Variants in RAB22A observed in about 807,000 individuals in gnomAD.
RAB22A encodes RAB22A, member RAS oncogene family, also known as ras-related protein Rab-22A.
A neutral mutation model predicts 30.2 loss-of-function variants in RAB22A; 13 were observed. The ratio of observed to expected loss-of-function variants is 0.43; its 90% CI spans 0.28 to 0.68. The LOEUF (loss-of-function observed/expected upper bound fraction) is 0.68, where lower values mean the gene tolerates loss of function less well. Ranked by LOEUF, RAB22A falls within the 30% of genes least tolerant of loss-of-function variation. The probability of loss-of-function intolerance (pLI) is 0.18; values close to 1 mark genes in which losing one functional copy is unlikely to be tolerated. For synonymous variants in RAB22A, 89 were observed against 87.2 expected (o/e 1.02, Z -0.11); for missense variants, 177 against 246.8 (o/e 0.72, Z 1.89).
At chr20:58,350,315 A>G (rs554190293) in intron 3 of RAB22A, among the ~76,000 whole-genome samples, 22 of 152,224 alleles carry the variant, frequency 1.4e-4, no homozygotes, top group Non-Finnish European at 2.5e-4. Context: ...ACAAATTCAA[A>G]CAGTCTAACG....
chr20:58,346,450 C>T (rs986948597), intron 3 of RAB22A, among the ~76,000 whole-genome samples: 5 of 152,326 alleles, frequency 3.3e-5, no homozygotes, highest in East Asian at 1.9e-4. Context: ...CCTCTGGATA[C>T]GCTGTTCCTT....
chr20:58,336,807 T>C (rs1466164627), intron 2 of RAB22A, among the ~76,000 whole-genome samples: 2 of 152,152 alleles, frequency 1.3e-5, no homozygotes, highest in East Asian at 3.9e-4. Context: ...GAACAGGGCC[T>C]CACACCAAGG....
At chr20:58,340,298 G>A (rs575622438) in intron 2 of RAB22A, among the ~76,000 whole-genome samples, 46 of 152,210 alleles carry the variant, frequency 3.0e-4, no homozygotes, top group Non-Finnish European at 4.1e-4. Flanking sequence ...TGGGCTAGAA[G>A]GAGTTGGAGC....
At chr20:58,322,608 T>C (rs780712619) in intron 2 of RAB22A, among the ~76,000 whole-genome samples, 3 of 152,256 alleles carry the variant, frequency 2.0e-5, no homozygotes, top group Non-Finnish European at 4.4e-5. Context: ...TTTGTTTTTA[T>C]TATTTTAATG....
chr20:58,310,084 C>T (rs1037845077), intron 1 of RAB22A, 72 bp downstream of exon 1: 3 of 1,146,130 alleles, frequency 2.6e-6, no homozygotes, highest in Non-Finnish European at 1.1e-6. Flanking sequence ...TCCCCCCTGT[C>T]CCCTCATCCC....
chr20:58,337,462 G>C (rs1157613226), intron 2 of RAB22A, among the ~76,000 whole-genome samples: 3 of 152,148 alleles, frequency 2.0e-5, no homozygotes, highest in African/African-American at 7.2e-5. Flanking sequence ...AAGGGAATCT[G>C]TTCACAGGTT....
At chr20:58,347,978 G>A (rs1393193444) in intron 3 of RAB22A, among the ~76,000 whole-genome samples, 6 of 152,258 alleles carry the variant, frequency 3.9e-5, no homozygotes, top group Non-Finnish European at 8.8e-5. Flanking sequence ...TGTAATCCCA[G>A]CACTTTGGGA....
intron 2 of RAB22A, among the ~76,000 whole-genome samples, chr20:58,338,074 T>A (rs1986790874): frequency 1.3e-5 from 2 of 152,290 alleles, no homozygotes; most frequent in Non-Finnish European, 2.9e-5. Flanking sequence ...TCGCCCAGAC[T>A]GGAGTGCTAT....
intron 3 of RAB22A, among the ~76,000 whole-genome samples, chr20:58,350,112 A>AT (rs142555730): frequency 6.6e-6 from 1 of 152,156 alleles, no homozygotes; most frequent in Non-Finnish European, 1.5e-5. Flanking sequence ...GAAAAAAAAA[A>AT]GGAGTGTTAA....
At chr20:58,332,549 A>T (rs1311031748) in intron 2 of RAB22A, among the ~76,000 whole-genome samples, 4 of 152,212 alleles carry the variant, frequency 2.6e-5, no homozygotes, top group Admixed American at 2.0e-4. Context: ...ATAAAGTCAG[A>T]TAAGTAGAAA....
At chr20:58,336,655 C>G (rs912276826) in intron 2 of RAB22A, among the ~76,000 whole-genome samples, 2 of 152,120 alleles carry the variant, frequency 1.3e-5, no homozygotes, top group Non-Finnish European at 2.9e-5. Context: ...TCAAACGAAG[C>G]AACATAATGC....
chr20:58,334,680 A>G (rs1296764590), intron 2 of RAB22A, among the ~76,000 whole-genome samples: 2 of 151,738 alleles, frequency 1.3e-5, no homozygotes, highest in African/African-American at 4.8e-5. Flanking sequence ...ATATATCACA[A>G]TGTCTGTGAA....
intron 2 of RAB22A, among the ~76,000 whole-genome samples, chr20:58,318,880 T>C (rs1446588673): frequency 1.3e-5 from 2 of 152,230 alleles, no homozygotes; most frequent in East Asian, 3.8e-4. Context: ...TTAACTTTTT[T>C]GTGCCTACAT....
chr20:58,329,945 TG>T (rs568013331), intron 2 of RAB22A, among the ~76,000 whole-genome samples: 1 of 152,138 alleles, frequency 6.6e-6, no homozygotes, highest in Non-Finnish European at 1.5e-5. Context: ...TGAAAGTATC[TG>T]GGGGGGAAGA....
Position 58,343,804 on chromosome 20 carries a change from G to T in RAB22A, c.198+5G>T, listed in dbSNP as rs1276371123. On this transcript the variant is annotated splice_donor_5th_base_variant and intron_variant, in intron 3 of 6. Transcript: ENST00000244040. ...GATACAGCTGGACAAGAACGAGTAA[G>T]TCACTCTTTAATTTACTCTGTTTTT... 1.3e-6 allele frequency: 2 copies of T among 1,590,924 alleles called. No homozygotes were observed.
intron 2 of RAB22A, among the ~76,000 whole-genome samples, chr20:58,325,916 A>G (rs1387424943): frequency 6.6e-6 from 1 of 152,282 alleles, no homozygotes; most frequent in East Asian, 1.9e-4. Context: ...ACCTGCCTTT[A>G]TAAGTTACTA....
chr20:58,311,106 A>G lies in RAB22A; in HGVS notation c.100A>G (p.Ile34Val). 2 of 1,594,908 alleles carry G rather than the reference A, an allele frequency of 1.3e-6. No homozygotes were observed. Among genetic ancestry groups the G allele is most frequent in the Non-Finnish European group, 1.7e-6 (2 of 1,162,466 alleles). ...TGTGGAAGACAGTTTTGATCCAAAC[A>G]TCAACCCAACAATAGGGTAAGAGAC... The part of the protein sequence containing the change: ...RFVEDSFDPN[I>V]NPTIGASFMT... Residue 34 changes from isoleucine (I) to valine (V), a missense_variant, in exon 2 of 7, where the codon ATC (isoleucine) becomes GTC (valine). Coordinates refer to ENST00000244040, the MANE Select transcript of RAB22A (RefSeq NM_020673.3).
At chr20:58,344,536 C>G (rs959445098) in intron 3 of RAB22A, among the ~76,000 whole-genome samples, 2 of 152,198 alleles carry the variant, frequency 1.3e-5, no homozygotes, top group African/African-American at 2.4e-5. Context: ...GGTACTAAGT[C>G]CAATTTCCCT....
chr20:58,330,740 T>C (rs1568867703), intron 2 of RAB22A, among the ~76,000 whole-genome samples: 2 of 152,212 alleles, frequency 1.3e-5, no homozygotes, highest in Non-Finnish European at 2.9e-5. Context: ...CTCATTATCA[T>C]TGAAGGTGTC....
Sources: gnomAD v4.1 joint callset for allele counts (sites outside exome capture counted in the v4.1 genomes callset) on GRCh38, gnomAD v4.1.1 for gene constraint, MANE v1.5 for transcripts, NCBI Gene and HGNC (gene_info 2026-07-23, HGNC 2026-07-21) for gene names.